Variants in SNAPC1 observed in about 807,000 individuals in gnomAD.
The protein encoded by SNAPC1 is snRNA-activating protein complex subunit 1.
SNAPC1 carries 42 observed loss-of-function variants against 50.1 expected under a neutral mutation model. That is an observed-to-expected ratio of 0.84 (90% CI 0.65 to 1.08). SNAPC1 has a LOEUF of 1.08. Among genes scored for constraint, SNAPC1 ranks in the 50% least tolerant of loss-of-function variants. SNAPC1 has a pLI of 0.00. For missense variants in SNAPC1, 477 were observed against 427.3 expected, an observed-to-expected ratio of 1.12 and a Z score of -1.02; for synonymous variants, 164 against 144.2, an observed-to-expected ratio of 1.14 and a Z score of -0.98.
intron 8 of SNAPC1, among the ~76,000 whole-genome samples, chr14:61,788,916 A>G (rs1486233134): frequency 6.6e-6 from 1 of 152,206 alleles, no homozygotes; most frequent in Non-Finnish European, 1.5e-5. Flanking sequence ...CAGTCCATAC[A>G]AAGGAATACT....
At chr14:61,763,801 C>T (rs1001725039) in intron 1 of SNAPC1, among the ~76,000 whole-genome samples, 3 of 152,116 alleles carry the variant, frequency 2.0e-5, no homozygotes, top group African/African-American at 7.2e-5. Context: ...GCAGGGTCCG[C>T]TATGACTTGG....
At chr14:61,789,927 G>GCGGTAGTTC in intron 8 of SNAPC1, among the ~76,000 whole-genome samples, 1 of 152,298 alleles carries the variant, frequency 6.6e-6, no homozygotes, top group South Asian at 2.1e-4. Flanking sequence ...GAGGGCTGTT[G>GCGGTAGTTC]CGGTAGTTCA....
intron 8 of SNAPC1, among the ~76,000 whole-genome samples, chr14:61,789,193 C>T (rs186046123): frequency 5.5e-4 from 82 of 148,746 alleles, no homozygotes; most frequent in Admixed American, 1.3e-3. Context: ...ATAGCGCCAC[C>T]GCTCTTCAGC....
At chr14:61,786,135 A>C (rs1278525915) in intron 8 of SNAPC1, among the ~76,000 whole-genome samples, 1 of 151,668 alleles carries the variant, frequency 6.6e-6, no homozygotes, top group Non-Finnish European at 1.5e-5. Context: ...TATCTTATCC[A>C]AAAAAAAATT....
At chr14:61,793,643 T>C (rs543403277) in intron 9 of SNAPC1, among the ~76,000 whole-genome samples, 3 of 140,980 alleles carry the variant, frequency 2.1e-5, no homozygotes, top group African/African-American at 7.7e-5. Context: ...GGAATATTTT[T>C]TTTTCTTTTC....
intron 4 of SNAPC1, among the ~76,000 whole-genome samples, chr14:61,768,947 A>G (rs962564707): frequency 2.6e-5 from 4 of 152,246 alleles, no homozygotes; most frequent in Non-Finnish European, 5.9e-5. Context: ...AAAAAGATGT[A>G]GAAGACTGGA....
intron 7 of SNAPC1, among the ~76,000 whole-genome samples, chr14:61,781,215 C>T (rs1011350436): frequency 2.6e-5 from 4 of 151,790 alleles, no homozygotes; most frequent in East Asian, 1.9e-4. Context: ...TTTGGGAGGC[C>T]GAGGTGGGCG....
At chr14:61,766,166 A>G (rs528182219) in intron 1 of SNAPC1, among the ~76,000 whole-genome samples, 2 of 152,356 alleles carry the variant, frequency 1.3e-5, no homozygotes, top group East Asian at 3.9e-4. Flanking sequence ...CTTAGCTCCC[A>G]CAATTTAGCC....
intron 5 of SNAPC1, among the ~76,000 whole-genome samples, chr14:61,777,579 A>G (rs2045044102): frequency 6.7e-6 from 1 of 149,790 alleles, no homozygotes; most frequent in Non-Finnish European, 1.5e-5. Context: ...GGGTCTTGCT[A>G]TGTTGCCAGG....
At chr14:61,792,739 TAAAA>T in intron 8 of SNAPC1, 64 bp from the exon 9 acceptor site, 1 of 887,618 alleles carries the variant, frequency 1.1e-6, no homozygotes, top group Non-Finnish European at 1.7e-6. Flanking sequence ...ACAGTTTTTG[TAAAA>T]TGTTTTCTCA....
At chr14:61,793,005 TTG>T (rs1405685369) in intron 9 of SNAPC1, 103 bp downstream of exon 9, 1 of 576,862 alleles carries the variant, frequency 1.7e-6, no homozygotes, top group African/African-American at 1.9e-5. Flanking sequence ...CTGTGTGTTC[TTG>T]TGATCCTTTC....
At chr14:61,781,450 CAAAA>C (rs769588943) in intron 7 of SNAPC1, among the ~76,000 whole-genome samples, 1 of 63,604 alleles carries the variant, frequency 1.6e-5, no homozygotes. Context: ...ACTCCATCTC[CAAAA>C]AAAAAAAAAA....
intron 4 of SNAPC1, among the ~76,000 whole-genome samples, chr14:61,771,364 A>T (rs2044990052): frequency 6.6e-6 from 1 of 152,234 alleles, no homozygotes; most frequent in Non-Finnish European, 1.5e-5. Flanking sequence ...CTTCATACTC[A>T]GTTTTGTATG....
chr14:61,767,741 C>T (rs2044959072), intron 3 of SNAPC1, among the ~76,000 whole-genome samples: 1 of 152,088 alleles, frequency 6.6e-6, no homozygotes, highest in Admixed American at 6.5e-5. Flanking sequence ...GGATTACAGG[C>T]GTGAGCCACT....
chr14:61,784,650 A>G (rs1384297529), intron 8 of SNAPC1, among the ~76,000 whole-genome samples: 1 of 152,238 alleles, frequency 6.6e-6, no homozygotes, highest in Non-Finnish European at 1.5e-5. Flanking sequence ...AAAACTGTAT[A>G]AAAGCAGGTG....
chr14:61,775,570 A>C (rs1261035853), intron 4 of SNAPC1, among the ~76,000 whole-genome samples: 3 of 152,110 alleles, frequency 2.0e-5, no homozygotes, highest in Non-Finnish European at 4.4e-5. Context: ...CTATATCTTT[A>C]ATCCTGAATG....
intron 1 of SNAPC1, among the ~76,000 whole-genome samples, chr14:61,765,933 G>A (rs1339083051): frequency 6.6e-6 from 1 of 152,098 alleles, no homozygotes; most frequent in Non-Finnish European, 1.5e-5. Flanking sequence ...TTTTCGCCTC[G>A]GCTTCGCAAG....
At chr14:61,766,800 C>A in intron 1 of SNAPC1, 76 bp from the exon 2 acceptor site, 1 of 750,176 alleles carries the variant, frequency 1.3e-6, no homozygotes, top group Non-Finnish European at 2.2e-6. Context: ...ACCGTTTAAA[C>A]AAGTATATAC....
intron 8 of SNAPC1, among the ~76,000 whole-genome samples, chr14:61,786,510 A>G (rs1256762211): frequency 6.6e-6 from 1 of 152,228 alleles, no homozygotes; most frequent in African/African-American, 2.4e-5. Context: ...AAGAAAAGAT[A>G]TGGATGGCAA....
Sources: gnomAD v4.1 joint callset for allele counts (sites outside exome capture counted in the v4.1 genomes callset) on GRCh38, gnomAD v4.1.1 for gene constraint, MANE v1.5 for transcripts, NCBI Gene and HGNC (gene_info 2026-07-23, HGNC 2026-07-21) for gene names.